ZNF366: variants seen among roughly 807,000 people sequenced by gnomAD.
ZNF366 encodes the protein zinc finger protein 366.
Under a neutral mutation model 47.2 loss-of-function variants are expected in ZNF366, and 20 were observed. The ratio of observed to expected loss-of-function variants is 0.42; its 90% CI spans 0.30 to 0.62. ZNF366 has a LOEUF of 0.62. Ranked by LOEUF, ZNF366 falls within the 20% of genes least tolerant of loss-of-function variation. The probability of loss-of-function intolerance (pLI) is 0.16; values close to 1 mark genes in which losing one functional copy is unlikely to be tolerated. For synonymous variants in ZNF366, 421 were observed against 395.1 expected (o/e 1.07, Z -0.78); for missense variants, 987 against 976.3 (o/e 1.01, Z -0.15).
At chr5:72,487,531 CCTT>C (rs1481276034) in intron 1 of ZNF366, among the ~76,000 whole-genome samples, 2 of 152,154 alleles carry the variant, frequency 1.3e-5, no homozygotes, top group Non-Finnish European at 2.9e-5. Flanking sequence ...ATTTCACAGT[CCTT>C]CTCCCCTCCT....
At chr5:72,450,485 T>G (rs1743043907) in intron 3 of ZNF366, among the ~76,000 whole-genome samples, 1 of 152,216 alleles carries the variant, frequency 6.6e-6, no homozygotes, top group South Asian at 2.1e-4. Flanking sequence ...CACTTCTGAA[T>G]GCCTAAGTCT....
chr5:72,456,832 A>C (rs1299778330), intron 2 of ZNF366, among the ~76,000 whole-genome samples: 1 of 152,182 alleles, frequency 6.6e-6, no homozygotes, highest in Non-Finnish European at 1.5e-5. Context: ...TTAGAGGAAA[A>C]GAAAGCTCTT....
chr5:72,472,535 G>A, intron 1 of ZNF366: 3 of 985,284 alleles, frequency 3.0e-6, no homozygotes, highest in African/African-American at 1.7e-5. Flanking sequence ...TGCAAAATTA[G>A]GCTGACCTTC....
intron 1 of ZNF366, among the ~76,000 whole-genome samples, chr5:72,484,650 T>C (rs1323971612): frequency 6.6e-6 from 1 of 152,090 alleles, no homozygotes; most frequent in Non-Finnish European, 1.5e-5. Flanking sequence ...TCAGATATCA[T>C]AGAGGTGTTA....
chr5:72,443,629 A>G lies in ZNF366; in HGVS notation c.*127T>C. On this transcript the variant is annotated 3_prime_UTR_variant, in exon 5 of 5. Transcript: ENST00000318442. ...CTTTCCATTACCTACATCCCTGCTCATTTAGTCTAAGCCATTTGTAGAGAT... is the reference window on the plus strand; with the variant it reads ...CTTTCCATTACCTACATCCCTGCTCGTTTAGTCTAAGCCATTTGTAGAGAT... The G allele has an allele frequency of 9.4e-7, 1 of 1,063,478 alleles. No individual in the cohort carries two copies. The highest frequency in any genetic ancestry group is 1.3e-6 in the Non-Finnish European group (1 of 754,424). The allele number at this position is 1,063,478 out of a possible 1,614,324, so 65.9% of individuals were successfully genotyped here.
chr5:72,495,228 T>C (rs1744089029), intron 1 of ZNF366, among the ~76,000 whole-genome samples: 1 of 152,154 alleles, frequency 6.6e-6, no homozygotes, highest in South Asian at 2.1e-4. Flanking sequence ...CCAGGAAAGC[T>C]CCTGGTCCCA....
chr5:72,440,682 C>T lies in ZNF366; in HGVS notation c.*3074G>A, dbSNP rs898154177. 3.3e-5 allele frequency: 5 copies of T among 152,212 alleles called. No individual in the cohort carries two copies. The highest frequency in any genetic ancestry group is 7.3e-5 in the Non-Finnish European group (5 of 68,052). The allele number at this position is 152,212 out of a possible 1,614,324, so 9.4% of individuals were successfully genotyped here. ...TAAAGTGTCCATGTAATTTCTCACC[C>T]AAACTGGAATACTTTTGAGAATTAA... is the stretch of plus-strand genomic sequence containing the variant. On this transcript the variant is annotated 3_prime_UTR_variant, in exon 5 of 5. Transcript: ENST00000318442.
rs147701246 is a variant in ZNF366, at chr5:72,488,123, G to A, written c.-15+19128C>T. 3.9e-3 allele frequency among the ~76,000 whole-genome samples: 588 copies of A among 151,904 alleles called. 3 individuals carry two copies. Among genetic ancestry groups the A allele is most frequent in the African/African-American group, 0.014 (565 of 41,396 alleles). ...CTGGGGAGGCTGAGGGGAGAGAATCGCCTGAACCCAGGAGGCAGAGGTTGA... is the reference window on the plus strand; with the variant it reads ...CTGGGGAGGCTGAGGGGAGAGAATCACCTGAACCCAGGAGGCAGAGGTTGA... On this transcript the variant is annotated intron_variant, in intron 1 of 4. Coordinates refer to ENST00000318442, the MANE Select transcript of ZNF366 (RefSeq NM_152625.3).
intron 3 of ZNF366, among the ~76,000 whole-genome samples, chr5:72,455,621 G>A (rs1197147837): frequency 6.6e-6 from 1 of 152,172 alleles, no homozygotes; most frequent in African/African-American, 2.4e-5. Flanking sequence ...GACAGCCTCG[G>A]GGAGCCGGAG....
rs150946563 is a variant in ZNF366, at chr5:72,456,497, G to A, written c.1431C>T (p.Tyr477=). 74 of 1,614,058 alleles carry A rather than the reference G, an allele frequency of 4.6e-5. No individual in the cohort carries two copies. Among genetic ancestry groups the A allele is most frequent in the Non-Finnish European group, 5.6e-5 (66 of 1,179,922 alleles). Residue 477 remains tyrosine (Y), a synonymous_variant, in exon 3 of 5, where the codon TAC becomes TAT. Coordinates refer to ENST00000318442, the MANE Select transcript of ZNF366 (RefSeq NM_152625.3). The part of the protein sequence containing the change: ...HVLIHTNIRA[Y]QCHLCYKSFV... ...AGCTCTTGTAGCAGAGGTGACACTGGTAGGCGCGGATGTTGGTGTGGATCA... is the reference window on the plus strand; with the variant it reads ...AGCTCTTGTAGCAGAGGTGACACTGATAGGCGCGGATGTTGGTGTGGATCA...
chr5:72,464,887 G>A lies in ZNF366; in HGVS notation c.-14-3377C>T, dbSNP rs1240880431. ...CAGCCTGGCCAAGATGGTGAAACCCGTCTCTATTAAAAATTCAAAAATTAG... is the reference window on the plus strand; with the variant it reads ...CAGCCTGGCCAAGATGGTGAAACCCATCTCTATTAAAAATTCAAAAATTAG... On this transcript the variant is annotated intron_variant, in intron 1 of 4. Transcript: ENST00000318442. 3.3e-5 allele frequency among the ~76,000 whole-genome samples: 5 copies of A among 151,840 alleles called. No individual in the cohort carries two copies. In the South Asian group the frequency reaches 6.2e-4, roughly 19 times the overall value.
At chr5:72,469,783 C>T (rs2112297) in intron 1 of ZNF366, among the ~76,000 whole-genome samples, 4,901 of 152,292 alleles carry the variant, frequency 0.032, 124 homozygotes, top group Middle Eastern at 0.061. Flanking sequence ...CAGTGGCTCA[C>T]GCCTGTAATC....
chr5:72,447,861 T>C (rs994279385), intron 3 of ZNF366, among the ~76,000 whole-genome samples: 1 of 152,190 alleles, frequency 6.6e-6, no homozygotes, highest in African/African-American at 2.4e-5. Flanking sequence ...AGATGGTTGC[T>C]ATTACCACCC....
chr5:72,474,379 G>GA (rs146614233), intron 1 of ZNF366, among the ~76,000 whole-genome samples: 5,550 of 152,220 alleles, frequency 0.036, 163 homozygotes, highest in Non-Finnish European at 0.05. Context: ...GGGGAGGGGG[G>GA]AAAATGCCAC....
intron 3 of ZNF366, among the ~76,000 whole-genome samples, chr5:72,452,837 A>G (rs1486674077): frequency 6.6e-6 from 1 of 152,166 alleles, no homozygotes; most frequent in African/African-American, 2.4e-5. Context: ...GAGTTTGGCC[A>G]CTACAAGGAT....
chr5:72,486,922 C>T (rs949547275), intron 1 of ZNF366, among the ~76,000 whole-genome samples: 16 of 152,032 alleles, frequency 1.1e-4, no homozygotes, highest in Non-Finnish European at 1.9e-4. Flanking sequence ...GGATTACAGG[C>T]GCCTGCCACC....
In ZNF366 at chr5:72,472,853, C is replaced by G. The variant is rs918199244; in HGVS notation, c.-14-11343G>C. ...TTTCAGGGTAAATGAAAAGTCCAGTCCTATTTGTACCACTGTAGAACCACA... is the reference window on the plus strand; with the variant it reads ...TTTCAGGGTAAATGAAAAGTCCAGTGCTATTTGTACCACTGTAGAACCACA... On this transcript the variant is annotated intron_variant, in intron 1 of 4. Transcript: ENST00000318442. Among the ~76,000 whole-genome samples, 2 of 152,088 alleles carry G rather than the reference C, an allele frequency of 1.3e-5. 1 individual carries two copies. Among genetic ancestry groups the G allele is most frequent in the South Asian group, 4.1e-4 (2 of 4,828 alleles).
chr5:72,468,186 A>C (rs1743472766), intron 1 of ZNF366, among the ~76,000 whole-genome samples: 1 of 152,206 alleles, frequency 6.6e-6, no homozygotes, highest in Admixed American at 6.5e-5. Flanking sequence ...CGGTCTCAAA[A>C]GATAGCTGGC....
At position 72,460,833 on chromosome 5, in the gene ZNF366, T is replaced by C; in HGVS notation, c.664A>G (p.Ser222Gly). 6.2e-7 allele frequency: 1 copy of C among 1,614,034 alleles called. No homozygotes were observed. The highest frequency in any genetic ancestry group is 1.1e-5 in the South Asian group (1 of 91,078). ...LLPRKAEPQE[S>G]EETKQKVERV... Reference sequence around the variant, plus strand: ...TCCACCTTCTGCTTGGTCTCCTCGCTCTCCTGGGGCTCGGCTTTCCGGGGC... The same window carrying C: ...TCCACCTTCTGCTTGGTCTCCTCGCCCTCCTGGGGCTCGGCTTTCCGGGGC... Residue 222 changes from serine (S) to glycine (G), a missense_variant, in exon 2 of 5, where the codon AGC (serine) becomes GGC (glycine). Ser to Gly is a moderately conservative substitution (Grantham distance 56). Coordinates refer to ENST00000318442, the MANE Select transcript of ZNF366 (RefSeq NM_152625.3).
Sources: gnomAD v4.1 joint callset for allele counts (sites outside exome capture counted in the v4.1 genomes callset) on GRCh38, gnomAD v4.1.1 for gene constraint, MANE v1.5 for transcripts, NCBI Gene and HGNC (gene_info 2026-07-23, HGNC 2026-07-21) for gene names.